The following ACHE variants were observed in gnomAD, a reference collection of about 807,000 sequenced individuals.
ACHE encodes acetylcholinesterase.
A neutral mutation model predicts 53.9 loss-of-function variants in ACHE; 19 were observed. That is an observed-to-expected ratio of 0.35 (90% CI 0.25 to 0.52). The LOEUF (loss-of-function observed/expected upper bound fraction) is 0.52, where lower values mean the gene tolerates loss of function less well. ACHE is among the 20% of genes least tolerant of loss of function. The pLI, the probability that ACHE is intolerant of heterozygous loss-of-function variation, is 0.95. For synonymous variants in ACHE, 392 were observed against 378.1 expected, an observed-to-expected ratio of 1.04 and a Z score of -0.43; for missense variants, 605 against 849.4, an observed-to-expected ratio of 0.71 and a Z score of 3.58.
intron 4 of ACHE, 46 bp from the exon 5 acceptor site, chr7:100,890,381 G>C: frequency 1.3e-6 from 2 of 1,582,228 alleles, no homozygotes; most frequent in Non-Finnish European, 1.7e-6. Context: ...GACGGCACGA[G>C]GAAGGTCGGG....
chr7:100,894,494 G>A (rs1013265576), intron 1 of ACHE: 102 of 373,056 alleles, frequency 2.7e-4, no homozygotes, highest in African/African-American at 1.8e-3. Flanking sequence ...AGGGAACAGA[G>A]AGGAGCACCC....
At position 100,893,655 on chromosome 7, in the gene ACHE, G is replaced by T. The variant is rs755147655; in HGVS notation, c.578C>A (p.Pro193Gln). 3 of 1,613,192 alleles carry T rather than the reference G, an allele frequency of 1.9e-6. No homozygotes were observed. In the East Asian group the frequency reaches 6.7e-5, roughly 36 times the overall value. ...ATTGCCCGGGGCCTCTCGGCTCCCC[G>T]GCAGGGCCAGGAAGCCAAAGGCTCC... ...RVGAFGFLAL[P>Q]GSREAPGNVG... Residue 193 changes from proline (P) to glutamine (Q), a missense_variant, in exon 2 of 5, where the codon CCG becomes CAG. This residue lies in a region of ACHE where 397 missense variants were observed against 632.5 expected (regional missense o/e 0.63). Coordinates refer to ENST00000241069, the MANE Select transcript of ACHE (RefSeq NM_000665.5).
chr7:100,892,903 A>G lies in ACHE; in HGVS notation c.1069-85T>C. On this transcript the variant is annotated intron_variant, in intron 2 of 4. Coordinates refer to ENST00000241069, the MANE Select transcript of ACHE (RefSeq NM_000665.5). The surrounding 1 kb of genome is among the most constrained non-coding windows in gnomAD (Gnocchi z 5.2). ...GAAACAGATGGACAGACAAAGAGCC[A>G]GAGAGATGAACAGTTACAGACCCGG... is the stretch of plus-strand genomic sequence containing the variant. 1 of 1,447,256 alleles carries G rather than the reference A, an allele frequency of 6.9e-7. No homozygotes were observed. The highest frequency in any genetic ancestry group is 9.2e-7 in the Non-Finnish European group (1 of 1,092,482). The allele number at this position is 1,447,256 out of a possible 1,614,324, so 89.7% of individuals were successfully genotyped here. A position where few individuals can be genotyped will look rare whatever the true frequency, so the allele number is the denominator to read the frequency against.
At chr7:100,890,996 G>A (rs1194741339) in intron 4 of ACHE, 173 bp downstream of exon 4, 2 of 1,459,186 alleles carry the variant, frequency 1.4e-6, no homozygotes, top group South Asian at 1.4e-5. Context: ...AGGAGGAGAA[G>A]CTGGTGGAGG....
rs1227903106 is a variant in ACHE at position 100,893,233 on chromosome 7, C to T, written c.1000G>A (p.Val334Ile). 1 of 1,614,126 alleles carries T rather than the reference C, an allele frequency of 6.2e-7. No individual in the cohort carries two copies. The highest frequency in any genetic ancestry group is 1.1e-5 in the South Asian group (1 of 91,078). Residue 334 changes from valine (V) to isoleucine (I), a missense_variant, in exon 2 of 5, where the codon GTA becomes ATA. Val to Ile is a conservative substitution (Grantham distance 29). Around this residue, in one of 4 missense-constraint regions of ACHE, gnomAD observed 397 missense variants for 632.5 expected, o/e 0.63. Transcript: ENST00000241069. ...GTGTCACTGAGGAAGTCTCCATCTA[C>T]CACAGGCACGAAGGAGAACCGGAAG... ...SVFRFSFVPV[V>I]DGDFLSDTPE... is the part of the protein sequence containing the mutation.
At position 100,891,356 on chromosome 7, in the gene ACHE, G is replaced by A. The variant is rs749004073; in HGVS notation, c.1554-18C>T. 1.3e-6 allele frequency: 2 copies of A among 1,525,162 alleles called. No individual in the cohort carries two copies. Among genetic ancestry groups the A allele is most frequent in the Non-Finnish European group, 1.8e-6 (2 of 1,141,398 alleles). 94.5% of individuals were successfully genotyped at this position (1,525,162 alleles called of 1,614,324 possible). A position where few individuals can be genotyped will look rare whatever the true frequency, so the allele number is the denominator to read the frequency against. On this transcript the variant is annotated intron_variant, in intron 3 of 4. Coordinates refer to ENST00000241069, the MANE Select transcript of ACHE (RefSeq NM_000665.5). ...TGGGATCCCTGCGGAAGGAAGGGAA[G>A]GCTCAGTCCAGACGGGCAGTGGGAG...
In ACHE at chr7:100,892,194, T is replaced by G; in HGVS notation, c.1553+140A>C. Reference sequence around the variant, plus strand: ...TCTTTTTCTCTCCCCTTTTATCTACTTTGTGAGCATATCCCTCTCTGGCTG... The same window carrying G: ...TCTTTTTCTCTCCCCTTTTATCTACGTTGTGAGCATATCCCTCTCTGGCTG... On this transcript the variant is annotated intron_variant, in intron 3 of 4. Transcript: ENST00000241069. This position sits in a 1 kb window ranked among gnomAD's most constrained non-coding sequence, Gnocchi z 5.2. The G allele has an allele frequency of 9.0e-7, 1 of 1,107,182 alleles. No individual in the cohort carries two copies. The highest frequency in any genetic ancestry group is 1.2e-6 in the Non-Finnish European group (1 of 845,806). The allele number at this position is 1,107,182 out of a possible 1,614,324, so 68.6% of individuals were successfully genotyped here.
chr7:100,893,665 G>A lies in ACHE; in HGVS notation c.568C>T (p.Leu190=), dbSNP rs1321912127. Reference sequence around the variant, plus strand: ...GCCTCTCGGCTCCCCGGCAGGGCCAGGAAGCCAAAGGCTCCCACCCGGTAG... The same window carrying A: ...GCCTCTCGGCTCCCCGGCAGGGCCAAGAAGCCAAAGGCTCCCACCCGGTAG... ...MNYRVGAFGF[L]ALPGSREAPG... is the part of the protein sequence containing the mutation. Residue 190 remains leucine (L), a synonymous_variant, in exon 2 of 5, where the codon CTG becomes TTG. Coordinates refer to ENST00000241069, the MANE Select transcript of ACHE (RefSeq NM_000665.5). The A allele has an allele frequency of 1.9e-6, 3 of 1,613,298 alleles. No individual in the cohort carries two copies. Among genetic ancestry groups the A allele is most frequent in the East Asian group, 4.5e-5 (2 of 44,874 alleles).
At chr7:100,896,086 G>C (rs1791028285), upstream of ACHE, 1 of 152,170 alleles carries the variant, frequency 6.6e-6, no homozygotes, top group South Asian at 2.1e-4. Flanking sequence ...ACCGACGACA[G>C]AGCGCAGTGA....
intron 3 of ACHE, 149 bp from the exon 4 acceptor site, chr7:100,891,487 T>TG: frequency 1.4e-6 from 1 of 731,824 alleles, no homozygotes; most frequent in Admixed American, 3.7e-5. Flanking sequence ...GCGCGGTCAT[T>TG]GGGGTCTTCC....
rs1790799282 is a variant in ACHE at position 100,893,086 on chromosome 7, A to G, written c.1068+79T>C. Reference sequence around the variant, plus strand: ...TGGGAATGGGCCTGGAGAAGCCCTCATGCCTGGGTCCCTGCAGGGAGGGGA... The same window carrying G: ...TGGGAATGGGCCTGGAGAAGCCCTCGTGCCTGGGTCCCTGCAGGGAGGGGA... On this transcript the variant is annotated intron_variant, in intron 2 of 4. Coordinates refer to ENST00000241069, the MANE Select transcript of ACHE (RefSeq NM_000665.5). The G allele has an allele frequency of 5.5e-6, 8 of 1,461,904 alleles. No homozygotes were observed. In the South Asian group the frequency reaches 9.7e-5, roughly 18 times the overall value. 90.6% of individuals were successfully genotyped at this position (1,461,904 alleles called of 1,614,324 possible). A position where few individuals can be genotyped will look rare whatever the true frequency, so the allele number is the denominator to read the frequency against.
In ACHE at chr7:100,892,278, T is replaced by G; in HGVS notation, c.1553+56A>C. On this transcript the variant is annotated intron_variant, in intron 3 of 4. Transcript: ENST00000241069. This position sits in a 1 kb window ranked among gnomAD's most constrained non-coding sequence, Gnocchi z 5.2. ...GTCTCCGTGTGTCTGCCTTTGTGTG[T>G]CCTCCCGCCCCCGACTCCTGTCCTC... 1 of 1,470,776 alleles carries G rather than the reference T, an allele frequency of 6.8e-7. No homozygotes were observed. The highest frequency in any genetic ancestry group is 9.0e-7 in the Non-Finnish European group (1 of 1,106,802). 91.1% of individuals were successfully genotyped at this position (1,470,776 alleles called of 1,614,324 possible).
At position 100,890,131 on chromosome 7, in the gene ACHE, T is replaced by C. The variant is rs1790572441; in HGVS notation, c.*83A>G. 6.5e-7 allele frequency: 1 copy of C among 1,539,052 alleles called. No homozygotes were observed. The highest frequency in any genetic ancestry group is 8.8e-7 in the Non-Finnish European group (1 of 1,132,800). ...GGATGGGCAGAGTCTGGGGCTCGTC[T>C]GTGTTATAGCCCAGCCCTGAAATAA... is the stretch of plus-strand genomic sequence containing the variant. On this transcript the variant is annotated 3_prime_UTR_variant, in exon 5 of 5. Coordinates refer to ENST00000241069, the MANE Select transcript of ACHE (RefSeq NM_000665.5).
chr7:100,894,927 C>G (rs905403406), intron 1 of ACHE, among the ~76,000 whole-genome samples: 1 of 152,146 alleles, frequency 6.6e-6, no homozygotes, highest in Non-Finnish European at 1.5e-5. Context: ...GAGAGCCCCC[C>G]ATCCGTCTGA....
chr7:100,890,572 G>A, intron 4 of ACHE: 1 of 1,370,830 alleles, frequency 7.3e-7, no homozygotes, highest in Non-Finnish European at 9.4e-7. Flanking sequence ...GAGGAGAAAA[G>A]AATGACCGGA....
At position 100,892,169 on chromosome 7, in the gene ACHE, T is replaced by C. The variant is rs1438067477; in HGVS notation, c.1553+165A>G. On this transcript the variant is annotated intron_variant, in intron 3 of 4. Transcript: ENST00000241069. The surrounding 1 kb of genome is among the most constrained non-coding windows in gnomAD (Gnocchi z 5.2). ...CCCCCTCTGCCTTCTCTGTCTCCTT[T>C]CTTTTTCTCTCCCCTTTTATCTACT... Among the ~76,000 whole-genome samples the C allele has an allele frequency of 6.6e-6, 1 of 151,850 alleles. No homozygotes were observed. Among genetic ancestry groups the C allele is most frequent in the Non-Finnish European group, 1.5e-5 (1 of 67,948 alleles).
At chr7:100,895,498 A>AG (rs1790990713) in intron 1 of ACHE, among the ~76,000 whole-genome samples, 1 of 151,920 alleles carries the variant, frequency 6.6e-6, no homozygotes. Flanking sequence ...CGCCCCAATT[A>AG]GGGGGTGTCT....
intron 4 of ACHE, chr7:100,890,564 G>A: frequency 7.2e-7 from 1 of 1,391,158 alleles, no homozygotes; most frequent in Non-Finnish European, 9.3e-7. Context: ...GGAGAGAGGA[G>A]GAGAAAAGAA....
chr7:100,891,256 G>A lies in ACHE; in HGVS notation c.1636C>T (p.Leu546=). Residue 546 remains leucine (L), a synonymous_variant, in exon 4 of 5, where the codon CTG becomes TTG. Transcript: ENST00000241069. ...AGAQQYVSLD[L]RPLEVRRGLR... Reference sequence around the variant, plus strand: ...CCCCGCCGCACCTCCAGCGGCCGCAGGTCCAGACTAACGTACTGCTGAGCC... The same window carrying A: ...CCCCGCCGCACCTCCAGCGGCCGCAAGTCCAGACTAACGTACTGCTGAGCC... 1 of 1,611,376 alleles carries A rather than the reference G, an allele frequency of 6.2e-7. No individual in the cohort carries two copies. Among genetic ancestry groups the A allele is most frequent in the Non-Finnish European group, 8.5e-7 (1 of 1,179,690 alleles).
Sources: allele counts gnomAD v4.1 joint callset (sites outside exome capture counted in the v4.1 genomes callset), GRCh38; gene constraint gnomAD v4.1.1; regional missense constraint gnomAD v4.1.1; non-coding constraint Gnocchi (gnomAD v3.1); transcripts MANE v1.5; gene names NCBI Gene and HGNC (gene_info 2026-07-23, HGNC 2026-07-21).